The following KIN variants were observed in gnomAD, a reference collection of about 807,000 sequenced individuals.
KIN encodes DNA/RNA-binding protein KIN17.
In KIN, 47 loss-of-function variants were observed where a neutral mutation model predicts 63.0. The observed-to-expected ratio is 0.75, with a 90% CI of 0.59 to 0.95. The LOEUF is 0.95. Among genes scored for constraint, KIN ranks in the 40% least tolerant of loss-of-function variants. The pLI, the probability that KIN is intolerant of heterozygous loss-of-function variation, is 0.00. For synonymous variants in KIN, 160 were observed against 157.7 expected (o/e 1.01, Z -0.11); for missense variants, 408 against 460.9 (o/e 0.89, Z 1.05).
chr10:7,785,081 C>T (rs1379520770), intron 1 of KIN, among the ~76,000 whole-genome samples: 1 of 151,460 alleles, frequency 6.6e-6, no homozygotes, highest in African/African-American at 2.4e-5. Flanking sequence ...GAGACCCTAT[C>T]TCTATACAAA....
At position 7,756,097 on chromosome 10, in the gene KIN, T is replaced by C. The variant is rs1316716525; in HGVS notation, c.1165A>G (p.Ile389Val). ...TTTCAAACTCAGGCAAGTTTAGAAA[T>C]GTCTTCATATTGAATTCCTTCAACT... ...RRVEGIQYED[I>V]SKLA The change falls in exon 13 of 13, where the codon ATT becomes GTT. Residue 389 changes from isoleucine to valine, a missense_variant. Physicochemically the swap from Ile to Val is conservative, Grantham distance 29. Around this residue, in one of 2 missense-constraint regions of KIN, gnomAD observed 298 missense variants for 296.0 expected, o/e 1.01. Transcript: ENST00000379562. 6.3e-7 allele frequency: 1 copy of C among 1,586,946 alleles called. No homozygotes were observed. Among genetic ancestry groups the C allele is most frequent in the Non-Finnish European group, 8.6e-7 (1 of 1,166,106 alleles).
intron 7 of KIN, among the ~76,000 whole-genome samples, chr10:7,772,600 C>T (rs1386509547): frequency 6.6e-6 from 1 of 152,170 alleles, no homozygotes; most frequent in Admixed American, 6.5e-5. Context: ...TATAAATGCA[C>T]AGGAGAATGA....
At position 7,754,141 on chromosome 10, in the gene KIN, G is replaced by A. The variant is rs1835286230; in HGVS notation, c.*1939C>T. The A allele has an allele frequency of 8.8e-6, 4 of 454,826 alleles. No homozygotes were observed. Among genetic ancestry groups the A allele is most frequent in the Non-Finnish European group, 1.8e-5 (4 of 226,446 alleles). The allele number at this position is 454,826 out of a possible 1,614,324, so 28.2% of individuals were successfully genotyped here. A position where few individuals can be genotyped will look rare whatever the true frequency, so the allele number is the denominator to read the frequency against. ...GCTCAAGAGTTTGAGACCAGCCTGG[G>A]CAACATAGCAAGACCTCATCTCTAC... On this transcript the variant is annotated 3_prime_UTR_variant, in exon 13 of 13. Transcript: ENST00000379562.
rs552960831 is a variant in KIN at position 7,769,365 on chromosome 10, T to C, written c.669-20A>G. 1 of 1,604,744 alleles carries C rather than the reference T, an allele frequency of 6.2e-7. No individual in the cohort carries two copies. The highest frequency in any genetic ancestry group is 2.2e-5 in the East Asian group (1 of 44,780). ...AGAGTACTGATGAACAGGAGAACCATGCTTGTTACCAAGAACCATACACAG... is the reference window on the plus strand; with the variant it reads ...AGAGTACTGATGAACAGGAGAACCACGCTTGTTACCAAGAACCATACACAG... On this transcript the variant is annotated intron_variant, in intron 7 of 12. Transcript: ENST00000379562.
intron 2 of KIN, 140 bp from the exon 3 acceptor site, chr10:7,780,447 T>A: frequency 1.5e-6 from 1 of 649,222 alleles, no homozygotes; most frequent in Non-Finnish European, 2.6e-6. Context: ...CAAGCTGGAG[T>A]GCAATAGTGT....
chr10:7,775,039 A>G (rs968314286), intron 6 of KIN, 148 bp from the exon 7 acceptor site: 1 of 623,296 alleles, frequency 1.6e-6, no homozygotes, highest in Non-Finnish European at 2.8e-6. Context: ...GAGACCACAC[A>G]TTCCTGTAAA....
At chr10:7,758,929 A>C (rs1835386512) in intron 12 of KIN, among the ~76,000 whole-genome samples, 1 of 151,954 alleles carries the variant, frequency 6.6e-6, no homozygotes, top group African/African-American at 2.4e-5. Context: ...TGTCAGGATC[A>C]GAAAGAAAAA....
At chr10:7,765,122 G>A (rs1185004143) in intron 9 of KIN, among the ~76,000 whole-genome samples, 1 of 139,464 alleles carries the variant, frequency 7.2e-6, no homozygotes, top group African/African-American at 2.7e-5. Flanking sequence ...TCGTGCCATT[G>A]CACTCCAGCC....
At chr10:7,767,456 A>C (rs186172020) in intron 8 of KIN, among the ~76,000 whole-genome samples, 23 of 152,338 alleles carry the variant, frequency 1.5e-4, no homozygotes, top group Admixed American at 3.3e-4. Flanking sequence ...GGGCTTGCAC[A>C]ATGTGCAGCA....
rs1835258046 is a variant in KIN, at chr10:7,752,405, T to C, written c.*3675A>G. 6.6e-6 allele frequency: 1 copy of C among 152,092 alleles called. No homozygotes were observed. Among genetic ancestry groups the C allele is most frequent in the Admixed American group, 6.6e-5 (1 of 15,246 alleles). The allele number at this position is 152,092 out of a possible 1,614,324, so 9.4% of individuals were successfully genotyped here. ...TGTACAGCTATTAAGATGGCCAAAA[T>C]CCAGAACACTGACAACATCAAATGC... On this transcript the variant is annotated 3_prime_UTR_variant, in exon 13 of 13. Coordinates refer to ENST00000379562, the MANE Select transcript of KIN (RefSeq NM_012311.4).
chr10:7,767,191 G>A (rs946701533), intron 8 of KIN, among the ~76,000 whole-genome samples: 3 of 151,994 alleles, frequency 2.0e-5, no homozygotes, highest in African/African-American at 7.3e-5. Context: ...CTATGGTGTT[G>A]GCCCTCCTGG....
intron 12 of KIN, among the ~76,000 whole-genome samples, 187 bp from the exon 13 acceptor site, chr10:7,756,329 TA>T (rs1167036843): frequency 6.6e-6 from 1 of 152,212 alleles, no homozygotes; most frequent in Non-Finnish European, 1.5e-5. Flanking sequence ...AGAACTACCA[TA>T]TTTTCTTCTG....
chr10:7,753,208 A>G lies in KIN; in HGVS notation c.*2872T>C, dbSNP rs1835270393. The G allele has an allele frequency of 6.6e-6, 1 of 152,154 alleles. No homozygotes were observed. Among genetic ancestry groups the G allele is most frequent in the South Asian group, 2.1e-4 (1 of 4,832 alleles). 9.4% of individuals were successfully genotyped at this position (152,154 alleles called of 1,614,324 possible). On this transcript the variant is annotated 3_prime_UTR_variant, in exon 13 of 13. Transcript: ENST00000379562. ...AAACTACTGTGAAGTCTATAATCGTATTTTTATGCTTCAGATATTTTTTAT... is the reference window on the plus strand; with the variant it reads ...AAACTACTGTGAAGTCTATAATCGTGTTTTTATGCTTCAGATATTTTTTAT...
intron 2 of KIN, among the ~76,000 whole-genome samples, chr10:7,781,505 G>A (rs746798233): frequency 6.6e-6 from 1 of 151,528 alleles, no homozygotes; most frequent in African/African-American, 2.4e-5. Context: ...GTAATCCCAG[G>A]ACTTTGGGAG....
chr10:7,786,881 T>C (rs1419817516), intron 1 of KIN, among the ~76,000 whole-genome samples: 1 of 152,222 alleles, frequency 6.6e-6, no homozygotes, highest in Non-Finnish European at 1.5e-5. Context: ...ACTGTATCAA[T>C]ATTAGTATGA....
intron 5 of KIN, 128 bp from the exon 6 acceptor site, chr10:7,775,927 T>C (rs1391590226): frequency 1.3e-5 from 7 of 536,452 alleles, no homozygotes; most frequent in Non-Finnish European, 3.3e-6. Flanking sequence ...AAGATCCTAA[T>C]TAAGAAATTA....
chr10:7,765,159 CAAAAAA>C (rs35343111), intron 9 of KIN, among the ~76,000 whole-genome samples: 9 of 93,304 alleles, frequency 9.6e-5, no homozygotes, highest in Non-Finnish European at 1.3e-4. Context: ...AACTCCATCT[CAAAAAA>C]AAAAAAAAAA....
chr10:7,769,178 G>T, intron 8 of KIN, 38 bp downstream of exon 8: 1 of 1,535,462 alleles, frequency 6.5e-7, no homozygotes, highest in Non-Finnish European at 8.8e-7. Context: ...AATTTTCCTT[G>T]GGTTCTAAGG....
In KIN at chr10:7,778,889, A is replaced by T. The variant is rs1227123952; in HGVS notation, c.507T>A (p.Thr169=). ...TCACTTGCTCTTCAATAAATTTGGC[A>T]GTTTTTTCTTCATCATCAAGGTCCT... is the stretch of plus-strand genomic sequence containing the variant. ...KKQDLDDEEK[T]AKFIEEQVRR... The change falls in exon 5 of 13, where the codon ACT becomes ACA. Residue 169 remains threonine, a synonymous_variant. Transcript: ENST00000379562. The T allele has an allele frequency of 6.2e-7, 1 of 1,614,018 alleles. No homozygotes were observed. The highest frequency in any genetic ancestry group is 1.7e-5 in the Admixed American group (1 of 59,996).
Sources: allele counts gnomAD v4.1 joint callset (sites outside exome capture counted in the v4.1 genomes callset), GRCh38; gene constraint gnomAD v4.1.1; regional missense constraint gnomAD v4.1.1; transcripts MANE v1.5; gene names NCBI Gene and HGNC (gene_info 2026-07-23, HGNC 2026-07-21).